MTERF4: variants seen among roughly 807,000 people sequenced by gnomAD.
MTERF4 encodes mitochondrial transcription termination factor 4, also known as transcription termination factor 4, mitochondrial.
MTERF4 carries 17 observed loss-of-function variants against 22.5 expected under a neutral mutation model. The ratio of observed to expected loss-of-function variants is 0.75; its 90% CI spans 0.52 to 1.13. The LOEUF is 1.13. Ranked by LOEUF, MTERF4 falls within the 50% of genes most tolerant of loss-of-function variation. The pLI is 0.00. For synonymous variants in MTERF4, 165 were observed against 175.3 expected (o/e 0.94, Z 0.47); for missense variants, 420 against 466.8 (o/e 0.90, Z 0.92).
chr2:241,097,226 C>G lies in MTERF4; in HGVS notation c.705+17G>C, dbSNP rs2064482399. On this transcript the variant is annotated intron_variant, in intron 3 of 3. Coordinates refer to ENST00000391980, the MANE Select transcript of MTERF4 (RefSeq NM_182501.4). ...CTCACCTGAAACTACGCTAATCACG[C>G]TATCAGTCATTCTCACCTGAAACTT... is the stretch of plus-strand genomic sequence containing the variant. 1 of 1,612,716 alleles carries G rather than the reference C, an allele frequency of 6.2e-7. No homozygotes were observed. Among genetic ancestry groups the G allele is most frequent in the Middle Eastern group, 1.7e-4 (1 of 6,056 alleles).
Position 241,096,926 on chromosome 2 carries a change from T to A in MTERF4, c.705+317A>T. ...GCTATTTCAGAGTCCCCACTTAGAC[T>A]CTAAGAATAGGACTGGATCATTCAT... On this transcript the variant is annotated intron_variant, in intron 3 of 3. Transcript: ENST00000391980. The surrounding 1 kb of genome is among the most constrained non-coding windows in gnomAD (Gnocchi z 5.1). 1.7e-6 allele frequency: 1 copy of A among 590,440 alleles called. No individual in the cohort carries two copies. Among genetic ancestry groups the A allele is most frequent in the Non-Finnish European group, 3.0e-6 (1 of 335,388 alleles). The allele number at this position is 590,440 out of a possible 1,614,324, so 36.6% of individuals were successfully genotyped here. A position where few individuals can be genotyped will look rare whatever the true frequency, so the allele number is the denominator to read the frequency against.
At chr2:241,069,097 C>A (rs950305980), downstream of MTERF4, 113 of 1,020,478 alleles carry the variant, frequency 1.1e-4, no homozygotes, top group Non-Finnish European at 1.5e-4. This position sits in a 1 kb window ranked among gnomAD's most constrained non-coding sequence, Gnocchi z 4.9. Context: ...CCAGCCTCCC[C>A]TAGTCCTCTC....
downstream of MTERF4, chr2:241,071,647 C>A: frequency 6.4e-7 from 1 of 1,574,260 alleles, no homozygotes; most frequent in Middle Eastern, 1.9e-4. Flanking sequence ...GAACAGACCG[C>A]CCCCGGCGCG....
the MTERF4 span, among the ~76,000 whole-genome samples, chr2:241,047,730 C>G: frequency 6.6e-6 from 1 of 152,242 alleles, no homozygotes; most frequent in Non-Finnish European, 1.5e-5. Context: ...CCTTCTTGTT[C>G]TGTCCATTCC....
chr2:241,094,352 A>C (rs1396336110), downstream of MTERF4: 1 of 470,650 alleles, frequency 2.1e-6, no homozygotes, highest in Non-Finnish European at 4.4e-6. The surrounding 1 kb of genome is among the most constrained non-coding windows in gnomAD (Gnocchi z 4.3). Flanking sequence ...AACTGTGGCG[A>C]TGTGGACGGA....
At chr2:241,095,078 A>ACT (rs2064328539), downstream of MTERF4, 1 of 63,322 alleles carries the variant, frequency 1.6e-5, no homozygotes, top group African/African-American at 4.8e-5. Context: ...CCCCCCCCAC[A>ACT]CCCACCTTGG....
chr2:241,085,071 A>C (rs1462116659), downstream of MTERF4, among the ~76,000 whole-genome samples: 1 of 151,248 alleles, frequency 6.6e-6, no homozygotes, highest in Non-Finnish European at 1.5e-5. Context: ...GTTTTTGGAC[A>C]ATTTAATTAT....
At chr2:241,071,716 C>G (rs1251753615), downstream of MTERF4, 2 of 1,506,816 alleles carry the variant, frequency 1.3e-6, no homozygotes, top group East Asian at 2.5e-5. Context: ...CACCCAGCCC[C>G]CCAGGTACAT....
chr2:241,087,933 C>T (rs2063669378), downstream of MTERF4: 2 of 407,734 alleles, frequency 4.9e-6, no homozygotes, highest in African/African-American at 2.1e-5. Context: ...CTTTAGAAAC[C>T]ACAGAGTCGA....
downstream of MTERF4, chr2:241,082,248 TG>T: frequency 6.4e-7 from 1 of 1,571,504 alleles, no homozygotes; most frequent in Non-Finnish European, 8.7e-7. Context: ...CAGGAGCACC[TG>T]GTGAGCCACT....
chr2:241,063,019 G>T, the MTERF4 span: 9 of 637,312 alleles, frequency 1.4e-5, no homozygotes, highest in Admixed American at 1.2e-4. Flanking sequence ...GCCACTGCAT[G>T]CTTTCTCGGG....
At chr2:241,043,144 C>T in the MTERF4 span, among the ~76,000 whole-genome samples, 27 of 152,196 alleles carry the variant, frequency 1.8e-4, no homozygotes, top group African/African-American at 6.0e-4. Flanking sequence ...AATACCCAAA[C>T]ATTTTCCACA....
At chr2:241,055,819 C>G in the MTERF4 span, among the ~76,000 whole-genome samples, 1 of 152,206 alleles carries the variant, frequency 6.6e-6, no homozygotes, top group Non-Finnish European at 1.5e-5. Flanking sequence ...GATTAGATTC[C>G]AAGTCCACCT....
the MTERF4 span, among the ~76,000 whole-genome samples, chr2:241,060,262 A>G: frequency 7.3e-5 from 11 of 151,466 alleles, no homozygotes; most frequent in Non-Finnish European, 1.0e-4. Flanking sequence ...GGCTCACTGC[A>G]ACCTCCGCCT....
At chr2:241,082,950 A>C (rs2063400014), downstream of MTERF4, among the ~76,000 whole-genome samples, 1 of 151,802 alleles carries the variant, frequency 6.6e-6, no homozygotes, top group East Asian at 1.9e-4. Flanking sequence ...CAGATGACTT[A>C]CTGAGTACCT....
the MTERF4 span, among the ~76,000 whole-genome samples, chr2:241,057,380 AAT>A: frequency 7.9e-3 from 933 of 118,054 alleles, 9 homozygotes; most frequent in South Asian, 0.018. Context: ...TCCATCTCAA[AAT>A]ATATATATAT....
At position 241,095,899 on chromosome 2, in the gene MTERF4, T is replaced by A. The variant is rs938205076; in HGVS notation, c.*99A>T. 12 of 1,515,596 alleles carry A rather than the reference T, an allele frequency of 7.9e-6. No homozygotes were observed. Among genetic ancestry groups the A allele is most frequent in the Non-Finnish European group, 1.1e-5 (12 of 1,136,056 alleles). The allele number at this position is 1,515,596 out of a possible 1,614,324, so 93.9% of individuals were successfully genotyped here. ...AAGAGACCAGTTTTAGAATAAAAAATAACTTGAGAAGATTCAAGTAAAGGA... is the reference window on the plus strand; with the variant it reads ...AAGAGACCAGTTTTAGAATAAAAAAAAACTTGAGAAGATTCAAGTAAAGGA... On this transcript the variant is annotated 3_prime_UTR_variant, in exon 4 of 4. Transcript: ENST00000391980.
the MTERF4 span, chr2:241,063,735 G>A: frequency 1.4e-6 from 2 of 1,415,178 alleles, no homozygotes; most frequent in Admixed American, 1.9e-5. Context: ...CACATGCAGA[G>A]CCTGGGCCTC....
chr2:241,089,043 T>C (rs1018260490), downstream of MTERF4: 6 of 380,952 alleles, frequency 1.6e-5, no homozygotes, highest in Non-Finnish European at 2.4e-5. Context: ...CCAAACTCTT[T>C]TGGCAACCAA....
Sources: allele counts gnomAD v4.1 joint callset (sites outside exome capture counted in the v4.1 genomes callset), GRCh38; gene constraint gnomAD v4.1.1; non-coding constraint Gnocchi (gnomAD v3.1); transcripts MANE v1.5; gene names NCBI Gene and HGNC (gene_info 2026-07-23, HGNC 2026-07-21).